PHKA1: variants seen among roughly 807,000 people sequenced by gnomAD.
The protein encoded by PHKA1 is phosphorylase kinase regulatory subunit alpha 1, also known as phosphorylase b kinase regulatory subunit alpha, skeletal muscle isoform.
In PHKA1, 60 loss-of-function variants were observed where a neutral mutation model predicts 110.2. The ratio of observed to expected loss-of-function variants is 0.54; its 90% CI spans 0.44 to 0.68. The LOEUF (loss-of-function observed/expected upper bound fraction) is 0.68. Among genes scored for constraint, PHKA1 ranks in the 30% least tolerant of loss-of-function variants. The pLI is 0.00. For missense variants in PHKA1, 801 were observed against 942.5 expected (o/e 0.85, Z 1.97); for synonymous variants, 316 against 333.6 (o/e 0.95, Z 0.58).
chrX:72,613,378 TAC>T (rs60746566), intron 21 of PHKA1, among the ~76,000 whole-genome samples: 21,325 of 97,083 alleles, frequency 0.22, 4,296 homozygotes, highest in East Asian at 0.66. Flanking sequence ...CATGGGAGGA[TAC>T]ACACACACAC....
intron 2 of PHKA1, chrX:72,712,022 G>A (rs1241184852): frequency 9.0e-6 from 1 of 111,729 alleles, no homozygotes; most frequent in African/African-American, 3.3e-5. Context: ...CTGGTATAGA[G>A]AGAATTTTTC....
At chrX:72,701,458 C>T (rs781800275) in intron 3 of PHKA1, among the ~76,000 whole-genome samples, 7 of 112,222 alleles carry the variant, frequency 6.2e-5, no homozygotes, top group East Asian at 2.8e-4. Context: ...TGGTGGCTCA[C>T]GCCTATAATC....
At chrX:72,694,921 C>G (rs1443959276) in intron 4 of PHKA1, among the ~76,000 whole-genome samples, 1 of 111,779 alleles carries the variant, frequency 8.9e-6, no homozygotes. Flanking sequence ...GAAGAAACCT[C>G]CCCTACAACA....
intron 25 of PHKA1, among the ~76,000 whole-genome samples, chrX:72,604,161 A>AC (rs1390471198): frequency 9.0e-5 from 10 of 110,887 alleles, no homozygotes; most frequent in African/African-American, 3.3e-4. Flanking sequence ...GCAAAAAAAA[A>AC]AACAACATTA....
rs947428054 is a variant in PHKA1, at chrX:72,593,410, C to T, written c.3073-136G>A. The stretch of plus-strand genomic sequence containing the variant: ...GGAGTGCAGTGGCGTGGCGCAATCT[C>T]GGCTCACTGCAAGCTCTGCCTCCCG... On this transcript the variant is annotated intron_variant, in intron 28 of 31. Coordinates refer to ENST00000373542, the MANE Select transcript of PHKA1 (RefSeq NM_002637.4). 11 of 479,198 alleles carry T rather than the reference C, an allele frequency of 2.3e-5. No individual in the cohort carries two copies. In the South Asian group the frequency reaches 2.4e-4, roughly 10 times the overall value. The allele number at this position is 479,198 out of a possible 1,213,427, so 39.5% of individuals were successfully genotyped here. A position where few individuals can be genotyped will look rare whatever the true frequency, so the allele number is the denominator to read the frequency against.
At chrX:72,649,504 A>C (rs2053402028) in intron 13 of PHKA1, among the ~76,000 whole-genome samples, 1 of 111,955 alleles carries the variant, frequency 8.9e-6, no homozygotes, top group Admixed American at 9.4e-5. Context: ...TAGAATTCTT[A>C]ACATGTTTAT....
intron 16 of PHKA1, among the ~76,000 whole-genome samples, chrX:72,631,462 C>A (rs919291473): frequency 6.3e-5 from 7 of 111,031 alleles, no homozygotes; most frequent in African/African-American, 2.3e-4. Context: ...TCTAGAGTCC[C>A]CACTCAGTCT....
chrX:72,673,311 TTG>T (rs1168242308), intron 6 of PHKA1, among the ~76,000 whole-genome samples: 2 of 111,878 alleles, frequency 1.8e-5, no homozygotes, highest in African/African-American at 6.5e-5. Context: ...AATTGTGTGT[TTG>T]TGTGTTTGTT....
chrX:72,696,946 C>T (rs1397103968), intron 3 of PHKA1, among the ~76,000 whole-genome samples: 1 of 111,371 alleles, frequency 9.0e-6, no homozygotes, highest in Non-Finnish European at 1.9e-5. Flanking sequence ...AGCACCCCCT[C>T]AACAGAATCC....
chrX:72,712,983 A>C (rs2054406049), intron 1 of PHKA1, 46 bp from the exon 2 acceptor site: 2 of 1,161,214 alleles, frequency 1.7e-6, no homozygotes, highest in Non-Finnish European at 2.3e-6. Context: ...CATAGGTGTT[A>C]ACATCAGGAA....
intron 25 of PHKA1, among the ~76,000 whole-genome samples, chrX:72,604,106 G>T: frequency 9.2e-6 from 1 of 109,092 alleles, no homozygotes; most frequent in Non-Finnish European, 1.9e-5. Context: ...ATATTCAGGG[G>T]CTTATCCCTT....
chrX:72,621,293 T>C (rs1021200593), intron 18 of PHKA1, among the ~76,000 whole-genome samples: 3 of 111,528 alleles, frequency 2.7e-5, no homozygotes, highest in Admixed American at 1.9e-4. Flanking sequence ...GAGGGGACTT[T>C]GGTGAGGAAG....
chrX:72,660,745 G>C (rs1165003782), intron 8 of PHKA1: 1 of 280,943 alleles, frequency 3.6e-6, no homozygotes, highest in Non-Finnish European at 6.8e-6. Context: ...AAGATTTAAG[G>C]GTTTCAAAGA....
At chrX:72,598,193 G>T (rs782801555) in intron 28 of PHKA1, among the ~76,000 whole-genome samples, 16 of 111,310 alleles carry the variant, frequency 1.4e-4, no homozygotes, top group Non-Finnish European at 2.5e-4. Flanking sequence ...ATTAAAATAG[G>T]TACAAATGTG....
intron 25 of PHKA1, among the ~76,000 whole-genome samples, chrX:72,604,866 G>C (rs1296409049): frequency 9.0e-6 from 1 of 111,723 alleles, no homozygotes; most frequent in Non-Finnish European, 1.9e-5. Flanking sequence ...ATTCAGTCAT[G>C]ATGGTGACTA....
intron 17 of PHKA1, 95 bp from the exon 18 acceptor site, chrX:72,623,370 T>C (rs2053007972): frequency 2.9e-6 from 2 of 684,881 alleles, no homozygotes; most frequent in African/African-American, 4.3e-5. Flanking sequence ...ACATGTTTTG[T>C]TGGGGGATTA....
intron 23 of PHKA1, among the ~76,000 whole-genome samples, chrX:72,607,696 ATGAC>A (rs782704457): frequency 8.1e-5 from 9 of 111,737 alleles, no homozygotes; most frequent in Non-Finnish European, 1.3e-4. Flanking sequence ...TAAATGCTGA[ATGAC>A]TGACTGTAGA....
chrX:72,713,325 A>G (rs1400253158), intron 1 of PHKA1, among the ~76,000 whole-genome samples: 1 of 111,100 alleles, frequency 9.0e-6, no homozygotes, highest in African/African-American at 3.3e-5. Context: ...ATGATTAACT[A>G]CAGTCACCAT....
At chrX:72,676,884 C>T (rs1243864186) in intron 5 of PHKA1, among the ~76,000 whole-genome samples, 4 of 112,600 alleles carry the variant, frequency 3.6e-5, no homozygotes, top group Non-Finnish European at 5.6e-5. Flanking sequence ...CTGATGTTAA[C>T]GTCTAACATA....
Sources: gnomAD v4.1 joint callset for allele counts (sites outside exome capture counted in the v4.1 genomes callset) on GRCh38, gnomAD v4.1.1 for gene constraint, MANE v1.5 for transcripts, NCBI Gene and HGNC (gene_info 2026-07-23, HGNC 2026-07-21) for gene names.